The following SCEL variants were observed in gnomAD, a reference collection of about 807,000 sequenced individuals.
SCEL encodes the protein sciellin.
SCEL carries 113 observed loss-of-function variants against 117.6 expected under a neutral mutation model. The ratio of observed to expected loss-of-function variants is 0.96; its 90% CI spans 0.83 to 1.12. The LOEUF (loss-of-function observed/expected upper bound fraction) is 1.12, where lower values mean the gene tolerates loss of function less well. Ranked by LOEUF, SCEL falls within the 50% of genes most tolerant of loss-of-function variation. SCEL has a pLI of 0.00. For missense variants in SCEL, 785 were observed against 810.8 expected (o/e 0.97, Z 0.39); for synonymous variants, 270 against 256.2 (o/e 1.05, Z -0.51).
At chr13:77,538,115 C>CTTTTTT (rs35197581) in intron 1 of SCEL, among the ~76,000 whole-genome samples, 1 of 128,976 alleles carries the variant, frequency 7.8e-6, no homozygotes, top group East Asian at 2.2e-4. Context: ...AATCAAAAGT[C>CTTTTTT]TTTTTTTTTT....
intron 1 of SCEL, among the ~76,000 whole-genome samples, chr13:77,544,533 AGCTGGGGCTGAGATCAG>A (rs940049723): frequency 2.0e-5 from 3 of 152,200 alleles, no homozygotes; most frequent in African/African-American, 7.2e-5. Context: ...GGACAGGAAG[AGCTGGGGCTGAGATCAG>A]GCTGGGGGAC....
Position 77,640,696 on chromosome 13 carries a change from T to G in SCEL, c.1859T>G (p.Met620Arg). Residue 620 changes from methionine (M) to arginine (R), a missense_variant, in exon 31 of 33, where the codon ATG (methionine) becomes AGG (arginine). Physicochemically the swap from Met to Arg is moderately conservative, Grantham distance 91. Transcript: ENST00000349847. ...TATAGGTCTGTCATTGAAAGAGATATGTGCACTTACTGCCGAAAACCCTTG... is the reference window on the plus strand; with the variant it reads ...TATAGGTCTGTCATTGAAAGAGATAGGTGCACTTACTGCCGAAAACCCTTG... ...TSDRSVIERDMCTYCRKPLGV... is the reference protein window; with the variant it reads ...TSDRSVIERDRCTYCRKPLGV... The G allele has an allele frequency of 6.3e-7, 1 of 1,594,200 alleles. No homozygotes were observed. The highest frequency in any genetic ancestry group is 8.6e-7 in the Non-Finnish European group (1 of 1,166,700).
intron 1 of SCEL, among the ~76,000 whole-genome samples, chr13:77,554,887 A>G (rs1021768792): frequency 1.3e-5 from 2 of 152,174 alleles, no homozygotes; most frequent in Non-Finnish European, 2.9e-5. Context: ...GTGACCAGCC[A>G]TCCAGGTTTG....
intron 9 of SCEL, among the ~76,000 whole-genome samples, chr13:77,579,278 T>A (rs1395542099): frequency 6.6e-6 from 1 of 152,244 alleles, no homozygotes; most frequent in Non-Finnish European, 1.5e-5. Flanking sequence ...ATTATTGCAG[T>A]GTACTCATCA....
intron 9 of SCEL, among the ~76,000 whole-genome samples, chr13:77,578,249 C>T (rs80113302): frequency 6.6e-6 from 1 of 152,102 alleles, no homozygotes; most frequent in East Asian, 1.9e-4. Flanking sequence ...TTGGGTGGTG[C>T]TTTCACAAGT....
chr13:77,606,929 C>A (rs1010356463), intron 19 of SCEL, among the ~76,000 whole-genome samples: 2 of 152,146 alleles, frequency 1.3e-5, no homozygotes, highest in Non-Finnish European at 2.9e-5. Context: ...ATGCAGAAAA[C>A]ACATGTAGAT....
chr13:77,563,089 G>T (rs2085075202), intron 4 of SCEL, among the ~76,000 whole-genome samples: 1 of 151,952 alleles, frequency 6.6e-6, no homozygotes, highest in Admixed American at 6.6e-5. Flanking sequence ...TCCTTCTACT[G>T]AGTCTTCTAT....
chr13:77,608,180 A>T (rs2088365825), intron 20 of SCEL, 65 bp downstream of exon 20: 1 of 1,304,706 alleles, frequency 7.7e-7, no homozygotes, highest in Non-Finnish European at 1.1e-6. Context: ...TCAGGAAAGA[A>T]GATGTGTTGA....
At chr13:77,595,839 A>G (rs1322406648) in intron 12 of SCEL, among the ~76,000 whole-genome samples, 2 of 152,190 alleles carry the variant, frequency 1.3e-5, no homozygotes, top group Admixed American at 6.5e-5. Context: ...ATTGATACCT[A>G]AAACTACTTG....
intron 20 of SCEL, 146 bp downstream of exon 20, chr13:77,608,261 C>A: frequency 1.7e-6 from 1 of 591,608 alleles, no homozygotes. Context: ...GAACAAGTCC[C>A]TTGAATGCTG....
chr13:77,581,441 G>C (rs1405883028), intron 9 of SCEL, among the ~76,000 whole-genome samples: 1 of 152,186 alleles, frequency 6.6e-6, no homozygotes, highest in Non-Finnish European at 1.5e-5. Context: ...CTAGTTTGAA[G>C]TAACTCATAC....
intron 1 of SCEL, among the ~76,000 whole-genome samples, chr13:77,536,501 G>A (rs1403938989): frequency 6.6e-6 from 1 of 152,132 alleles, no homozygotes; most frequent in African/African-American, 2.4e-5. Flanking sequence ...GGTATATTCT[G>A]CATTCTAACC....
intron 19 of SCEL, among the ~76,000 whole-genome samples, chr13:77,606,861 T>C (rs2088236769): frequency 6.6e-6 from 1 of 152,118 alleles, no homozygotes; most frequent in South Asian, 2.1e-4. Context: ...CTGTGGATGT[T>C]CTTTTCCCTA....
Position 77,644,367 on chromosome 13 carries a change from A to G in SCEL, c.*93A>G. ...TAATATGTAATCTAGAAAAGCTTTC[A>G]CATTGAAGATCAACTCTTGTACAAA... is the stretch of plus-strand genomic sequence containing the variant. On this transcript the variant is annotated 3_prime_UTR_variant, in exon 33 of 33. Transcript: ENST00000349847. The G allele has an allele frequency of 8.0e-7, 1 of 1,255,618 alleles. No individual in the cohort carries two copies. Among genetic ancestry groups the G allele is most frequent in the Non-Finnish European group, 1.1e-6 (1 of 872,312 alleles). The allele number at this position is 1,255,618 out of a possible 1,614,324, so 77.8% of individuals were successfully genotyped here.
chr13:77,551,631 G>A (rs549005249), intron 1 of SCEL, among the ~76,000 whole-genome samples: 1 of 152,092 alleles, frequency 6.6e-6, no homozygotes, highest in African/African-American at 2.4e-5. Flanking sequence ...TTCTTACAAG[G>A]TCACCAGTCA....
intron 19 of SCEL, chr13:77,606,607 A>G (rs916355012): frequency 8.5e-5 from 13 of 152,198 alleles, no homozygotes; most frequent in Admixed American, 8.5e-4. Context: ...TCTGGAGTAG[A>G]GTGATTGCTT....
intron 9 of SCEL, among the ~76,000 whole-genome samples, chr13:77,574,052 T>C (rs573444737): frequency 1.3e-4 from 20 of 152,372 alleles, no homozygotes; most frequent in African/African-American, 4.8e-4. Flanking sequence ...CTGGTACTTT[T>C]CTTAGATATA....
intron 5 of SCEL, among the ~76,000 whole-genome samples, chr13:77,564,778 T>G (rs1177722501): frequency 6.6e-6 from 1 of 152,222 alleles, no homozygotes; most frequent in East Asian, 1.9e-4. Flanking sequence ...AAACTCAGAC[T>G]ATGCCAGTGT....
At chr13:77,621,399 G>T (rs912292) in intron 27 of SCEL, among the ~76,000 whole-genome samples, 116,014 of 151,942 alleles carry the variant, frequency 0.76, 44,902 homozygotes, top group Non-Finnish European at 0.79. Flanking sequence ...CCTTCATCGC[G>T]ATTGCTTGGC....
Sources: allele counts gnomAD v4.1 joint callset (sites outside exome capture counted in the v4.1 genomes callset), GRCh38; gene constraint gnomAD v4.1.1; transcripts MANE v1.5; gene names NCBI Gene and HGNC (gene_info 2026-07-23, HGNC 2026-07-21).